The following ARHGAP20 variants were observed in gnomAD, a reference collection of about 807,000 sequenced individuals.
ARHGAP20 encodes the protein Rho GTPase activating protein 20.
In ARHGAP20, 34 loss-of-function variants were observed where a neutral mutation model predicts 73.7. The observed-to-expected ratio is 0.46, with a 90% CI of 0.35 to 0.61. The LOEUF (loss-of-function observed/expected upper bound fraction) is 0.61. Ranked by LOEUF, ARHGAP20 falls within the 20% of genes least tolerant of loss-of-function variation. ARHGAP20 has a pLI of 0.00. For synonymous variants in ARHGAP20, 523 were observed against 518.2 expected, an observed-to-expected ratio of 1.01 and a Z score of -0.13; for missense variants, 1,314 against 1,420.9, an observed-to-expected ratio of 0.92 and a Z score of 1.21.
intron 2 of ARHGAP20, among the ~76,000 whole-genome samples, chr11:110,635,777 A>G (rs1948954448): frequency 6.6e-6 from 1 of 151,794 alleles, no homozygotes; most frequent in Non-Finnish European, 1.5e-5. Context: ...AAAGGCCTAC[A>G]TTCACCATCA....
intron 2 of ARHGAP20, among the ~76,000 whole-genome samples, chr11:110,641,976 C>A (rs1204833851): frequency 1.3e-5 from 2 of 152,016 alleles, no homozygotes; most frequent in Non-Finnish European, 2.9e-5. Context: ...ATGGATTCAA[C>A]AATGAACAAG....
chr11:110,599,924 T>G (rs1948069023), intron 9 of ARHGAP20, among the ~76,000 whole-genome samples: 2 of 152,050 alleles, frequency 1.3e-5, no homozygotes, highest in Non-Finnish European at 2.9e-5. Context: ...TGCTAGGAGT[T>G]GGACATCTGA....
chr11:110,620,755 G>A (rs1195306470), intron 4 of ARHGAP20, among the ~76,000 whole-genome samples: 1 of 151,902 alleles, frequency 6.6e-6, no homozygotes, highest in African/African-American at 2.4e-5. Context: ...TAGGTTAAAC[G>A]GTTTTCAACA....
chr11:110,653,353 A>G (rs914854405), intron 2 of ARHGAP20, among the ~76,000 whole-genome samples: 1 of 152,220 alleles, frequency 6.6e-6, no homozygotes, highest in Admixed American at 6.5e-5. Flanking sequence ...CAGAATCTAC[A>G]AGGAACTTAA....
chr11:110,690,551 T>C lies in ARHGAP20; in HGVS notation c.184A>G (p.Thr62Ala), dbSNP rs11213538. 3.2e-4 allele frequency: 515 copies of C among 1,613,670 alleles called. 1 individual carries two copies. The African/African-American group carries it at 5.6e-3, about 18-fold the overall frequency. Residue 62 changes from threonine to alanine, a missense_variant, in exon 2 of 15, where the codon ACC becomes GCC. Physicochemically the swap from Thr to Ala is moderately conservative, Grantham distance 58 (BLOSUM62 0). Transcript: ENST00000683387. ...AATACAAAGCTTTGCACTTACCTGG[T>C]AGTAGGCCGTTTTTGTAGGGCTTTA... is the stretch of plus-strand genomic sequence containing the variant. The part of the protein sequence containing the change: ...LDKALQKRPT[T>A]RDSPSASVDT...
chr11:110,609,011 T>C lies in ARHGAP20; in HGVS notation c.748A>G (p.Lys250Glu). Reference sequence around the variant, plus strand: ...ATGAGTGGGTATGGAGCCTCTTCTTTGCCAGAATTGACCCACAACTGGTAA... The same window carrying C: ...ATGAGTGGGTATGGAGCCTCTTCTTCGCCAGAATTGACCCACAACTGGTAA... ...RDYQLWVNSG[K>E]EEAPYPLIGH... The change falls in exon 8 of 15, where the codon AAA becomes GAA. Residue 250 changes from lysine (K) to glutamate (E), a missense_variant. By Grantham distance (56) the Lys-to-Glu change is moderately conservative. Transcript: ENST00000683387. The C allele has an allele frequency of 1.2e-6, 2 of 1,613,704 alleles. No homozygotes were observed. The highest frequency in any genetic ancestry group is 1.7e-6 in the Non-Finnish European group (2 of 1,179,682).
At chr11:110,637,939 T>C (rs1220289156) in intron 2 of ARHGAP20, among the ~76,000 whole-genome samples, 1 of 152,064 alleles carries the variant, frequency 6.6e-6, no homozygotes, top group Non-Finnish European at 1.5e-5. Context: ...GCAGGAGTTA[T>C]AAAGGCTTGA....
chr11:110,580,647 C>G lies in ARHGAP20; in HGVS notation c.2299G>C (p.Val767Leu), dbSNP rs772079392. ...FKQSLVTGTD[V>L]SKKNATTQNT... Reference sequence around the variant, plus strand: ...TGAGTAGTGGCATTTTTCTTGCTGACATCAGTGCCTGTGACTAAACTCTGT... The same window carrying G: ...TGAGTAGTGGCATTTTTCTTGCTGAGATCAGTGCCTGTGACTAAACTCTGT... Residue 767 changes from valine (V) to leucine (L), a missense_variant, in exon 15 of 15, where the codon GTC becomes CTC. Physicochemically the swap from Val to Leu is conservative, Grantham distance 32. Coordinates refer to ENST00000683387, the MANE Select transcript of ARHGAP20 (RefSeq NM_001384657.1). The G allele has an allele frequency of 6.8e-6, 11 of 1,614,094 alleles. No homozygotes were observed. Among genetic ancestry groups the G allele is most frequent in the Non-Finnish European group, 8.5e-6 (10 of 1,180,036 alleles).
At chr11:110,581,362 A>C in intron 14 of ARHGAP20, 137 bp from the exon 15 acceptor site, 13 of 1,007,110 alleles carry the variant, frequency 1.3e-5, no homozygotes, top group East Asian at 2.6e-5. Flanking sequence ...TCACAATCTC[A>C]ATTGTTAGTG....
intron 9 of ARHGAP20, among the ~76,000 whole-genome samples, chr11:110,592,613 G>C (rs1947856035): frequency 6.6e-6 from 1 of 152,040 alleles, no homozygotes; most frequent in Non-Finnish European, 1.5e-5. Context: ...AGGTGGAAGG[G>C]GAAGTAGGAG....
intron 2 of ARHGAP20, among the ~76,000 whole-genome samples, chr11:110,660,246 T>C (rs2135040691): frequency 6.6e-6 from 1 of 152,226 alleles, no homozygotes; most frequent in East Asian, 1.9e-4. Context: ...ATGCTGATGC[T>C]ACTGGGGCTA....
At chr11:110,623,348 AAC>A (rs1285028746) in intron 4 of ARHGAP20, among the ~76,000 whole-genome samples, 1 of 152,190 alleles carries the variant, frequency 6.6e-6, no homozygotes. Flanking sequence ...GAGAGGTTGG[AAC>A]ACAGTTATTC....
intron 4 of ARHGAP20, 118 bp from the exon 5 acceptor site, chr11:110,615,712 C>T (rs1260881954): frequency 1.2e-6 from 1 of 851,028 alleles, no homozygotes; most frequent in East Asian, 2.5e-5. Context: ...AATACAGTTG[C>T]ACACATAAGC....
intron 9 of ARHGAP20, among the ~76,000 whole-genome samples, chr11:110,603,599 C>T (rs1360573463): frequency 2.6e-5 from 4 of 152,258 alleles, no homozygotes; most frequent in East Asian, 3.9e-4. Flanking sequence ...AACTACAGTT[C>T]GAGTAGTGTT....
chr11:110,610,360 C>T (rs892307654), intron 7 of ARHGAP20, among the ~76,000 whole-genome samples: 4 of 152,024 alleles, frequency 2.6e-5, no homozygotes, highest in Non-Finnish European at 5.9e-5. Flanking sequence ...GCTCTGGAAA[C>T]AGTGCTCCTT....
intron 2 of ARHGAP20, among the ~76,000 whole-genome samples, chr11:110,643,147 A>C (rs1949111199): frequency 6.6e-6 from 1 of 151,898 alleles, no homozygotes; most frequent in Non-Finnish European, 1.5e-5. Context: ...TTCTGACTGT[A>C]CTTATTTAGA....
chr11:110,583,483 C>T, intron 13 of ARHGAP20, 65 bp downstream of exon 13: 13 of 1,341,746 alleles, frequency 9.7e-6, no homozygotes, highest in East Asian at 2.5e-5. Flanking sequence ...TTTAGAATAC[C>T]CCAAATTTCA....
At chr11:110,672,609 T>TA (rs1332882163) in intron 2 of ARHGAP20, among the ~76,000 whole-genome samples, 2 of 152,242 alleles carry the variant, frequency 1.3e-5, no homozygotes, top group Non-Finnish European at 1.5e-5. Context: ...CACACTTGGC[T>TA]AATTTTTTCA....
intron 2 of ARHGAP20, among the ~76,000 whole-genome samples, chr11:110,688,094 C>T (rs183672833): frequency 6.6e-6 from 1 of 152,246 alleles, no homozygotes; most frequent in East Asian, 1.9e-4. Flanking sequence ...TTTCCCCCTT[C>T]GTGCATATGT....
Sources: gnomAD v4.1 joint callset for allele counts (sites outside exome capture counted in the v4.1 genomes callset) on GRCh38, gnomAD v4.1.1 for gene constraint, MANE v1.5 for transcripts, NCBI Gene and HGNC (gene_info 2026-07-23, HGNC 2026-07-21) for gene names.